The following PIAS2 variants were observed in gnomAD, a reference collection of about 807,000 sequenced individuals.
PIAS2 encodes E3 SUMO-protein ligase PIAS2.
PIAS2 carries 19 observed loss-of-function variants against 69.7 expected under a neutral mutation model. That is an observed-to-expected ratio of 0.27 (90% CI 0.19 to 0.40). The LOEUF (loss-of-function observed/expected upper bound fraction) is 0.40. Among genes scored for constraint, PIAS2 ranks in the 10% least tolerant of loss-of-function variants. The probability of loss-of-function intolerance (pLI) is 1.00; values close to 1 mark genes in which losing one functional copy is unlikely to be tolerated. For missense variants in PIAS2, 624 were observed against 757.0 expected (o/e 0.82, Z 2.06); for synonymous variants, 261 against 263.2 (o/e 0.99, Z 0.08).
At chr18:46,839,566 C>T (rs1401272112) in intron 8 of PIAS2, among the ~76,000 whole-genome samples, 2 of 152,172 alleles carry the variant, frequency 1.3e-5, no homozygotes, top group African/African-American at 4.8e-5. Context: ...GTTTCAAAAC[C>T]CCTTTAAACT....
intron 5 of PIAS2, among the ~76,000 whole-genome samples, chr18:46,847,666 T>G (rs1568492503): frequency 2.0e-5 from 3 of 152,094 alleles, no homozygotes; most frequent in Admixed American, 1.3e-4. Flanking sequence ...GTATTTTTAG[T>G]AGAGACAGGG....
At chr18:46,893,589 C>T (rs1280540499) in intron 1 of PIAS2, 4 of 232,816 alleles carry the variant, frequency 1.7e-5, no homozygotes, top group African/African-American at 7.0e-5. Context: ...ACTATGAATG[C>T]GGAATCACAG....
intron 3 of PIAS2, among the ~76,000 whole-genome samples, chr18:46,861,551 T>G (rs1272717903): frequency 2.6e-5 from 4 of 151,922 alleles, no homozygotes; most frequent in Non-Finnish European, 5.9e-5. Context: ...GTGATCAAGG[T>G]TAACATCACC....
chr18:46,813,298 A>G (rs896558098), intron 13 of PIAS2, among the ~76,000 whole-genome samples: 6 of 152,022 alleles, frequency 3.9e-5, no homozygotes, highest in African/African-American at 1.4e-4. Context: ...CCTGCTTAAC[A>G]CCCCTTTCCT....
intron 12 of PIAS2, chr18:46,816,926 TTAA>T (rs762316826): frequency 1.5e-4 from 140 of 938,240 alleles, no homozygotes; most frequent in Non-Finnish European, 1.7e-4. Context: ...TGTCTTCATA[TTAA>T]TAATATTCAA....
Position 46,909,996 on chromosome 18 carries a change from A to G in PIAS2, c.24+7326T>C, listed in dbSNP as rs918910241. Among the ~76,000 whole-genome samples the G allele has an allele frequency of 1.4e-4, 22 of 152,134 alleles. No individual in the cohort carries two copies. The East Asian group carries it at 1.7e-3, about 12-fold the overall frequency. ...AGCCTGGCCAACATGGTGAAAACTA[A>G]TAATACAAAAAAATTAGCCGGGCAT... On this transcript the variant is annotated intron_variant, in intron 1 of 13. Transcript: ENST00000585916.
intron 11 of PIAS2, among the ~76,000 whole-genome samples, chr18:46,825,856 C>G (rs959277784): frequency 6.6e-6 from 1 of 152,202 alleles, no homozygotes; most frequent in East Asian, 1.9e-4. Context: ...GTCCTTATGA[C>G]GAGATCCATC....
At position 46,828,037 on chromosome 18, in the gene PIAS2, G is replaced by A; in HGVS notation, c.1430C>T (p.Ser477Phe). 1 of 1,613,896 alleles carries A rather than the reference G, an allele frequency of 6.2e-7. No individual in the cohort carries two copies. The highest frequency in any genetic ancestry group is 8.5e-7 in the Non-Finnish European group (1 of 1,179,878). Residue 477 changes from serine to phenylalanine, a missense_variant, in exon 11 of 14, where the codon TCT (serine) becomes TTT (phenylalanine). By Grantham distance (155) the Ser-to-Phe change is radical. This residue lies in a region of PIAS2 where 241 missense variants were observed against 257.3 expected (regional missense o/e 0.94). Coordinates refer to ENST00000585916, the MANE Select transcript of PIAS2 (RefSeq NM_004671.5). ...VDVIDLTIES[S>F]SDEEEDPPAK... is the part of the protein sequence containing the mutation. ...AGGAGGGTCTTCCTCTTCGTCAGAA[G>A]AGCTTTCTATTGTAAGATCAATAAC... is the stretch of plus-strand genomic sequence containing the variant.
chr18:46,901,234 A>C (rs1020426606), intron 1 of PIAS2: 1 of 404,844 alleles, frequency 2.5e-6, no homozygotes. Flanking sequence ...CCTGACCAAC[A>C]TGGAGAACCC....
At chr18:46,886,357 C>T (rs1218688093) in intron 2 of PIAS2, among the ~76,000 whole-genome samples, 3 of 152,106 alleles carry the variant, frequency 2.0e-5, no homozygotes, top group East Asian at 1.9e-4. Flanking sequence ...ATAATAACTG[C>T]TGGGACAGAA....
chr18:46,843,350 T>C (rs1180969913), intron 8 of PIAS2, among the ~76,000 whole-genome samples: 1 of 152,188 alleles, frequency 6.6e-6, no homozygotes, highest in Non-Finnish European at 1.5e-5. Context: ...ATTCCATGAC[T>C]TTTTCTCATT....
intron 11 of PIAS2, among the ~76,000 whole-genome samples, chr18:46,822,445 T>G (rs980048441): frequency 6.6e-6 from 1 of 152,198 alleles, no homozygotes; most frequent in South Asian, 2.1e-4. Context: ...AGAAGGAAGT[T>G]ATCTTCCAAA....
At chr18:46,902,163 C>T (rs1250763623) in intron 1 of PIAS2, among the ~76,000 whole-genome samples, 1 of 151,260 alleles carries the variant, frequency 6.6e-6, no homozygotes, top group South Asian at 2.1e-4. Context: ...ATTTATAACA[C>T]TCCAAAGAAA....
chr18:46,896,264 A>G (rs1311087108), intron 1 of PIAS2, among the ~76,000 whole-genome samples: 1 of 151,966 alleles, frequency 6.6e-6, no homozygotes, highest in South Asian at 2.1e-4. Flanking sequence ...TAAATGAAAA[A>G]AAAAAAACTA....
In PIAS2 at chr18:46,891,044, G is replaced by A; in HGVS notation, c.35C>T (p.Ser12Phe). The stretch of plus-strand genomic sequence containing the variant: ...TTGTAGTTCAGAAACCCTAAAACTA[G>A]AAACCATATTCTAAAAGGAAAGAAA... ...ADFEELRNMVSSFRVSELQVL... is the reference protein window; with the variant it reads ...ADFEELRNMVFSFRVSELQVL... Residue 12 changes from serine to phenylalanine, a missense_variant, in exon 2 of 14, where the codon TCT becomes TTT. Physicochemically the swap from Ser to Phe is radical, Grantham distance 155. Around this residue, in one of 3 missense-constraint regions of PIAS2, gnomAD observed 339 missense variants for 408.8 expected, o/e 0.83. Coordinates refer to ENST00000585916, the MANE Select transcript of PIAS2 (RefSeq NM_004671.5). The A allele has an allele frequency of 6.3e-7, 1 of 1,576,454 alleles. No homozygotes were observed. The highest frequency in any genetic ancestry group is 8.6e-7 in the Non-Finnish European group (1 of 1,162,278).
At chr18:46,828,775 T>C (rs187237635) in intron 10 of PIAS2, among the ~76,000 whole-genome samples, 2 of 152,344 alleles carry the variant, frequency 1.3e-5, no homozygotes, top group East Asian at 1.9e-4. Context: ...CAGTCTCACA[T>C]ACCATATTTG....
intron 10 of PIAS2, among the ~76,000 whole-genome samples, chr18:46,829,067 G>A (rs2043212990): frequency 6.6e-6 from 1 of 152,140 alleles, no homozygotes; most frequent in Non-Finnish European, 1.5e-5. Flanking sequence ...AAACTGAAAT[G>A]CAGTGAGTAG....
intron 2 of PIAS2, among the ~76,000 whole-genome samples, chr18:46,875,112 C>T (rs1282581320): frequency 6.6e-6 from 1 of 152,134 alleles, no homozygotes; most frequent in Non-Finnish European, 1.5e-5. Context: ...TCAAACTAAC[C>T]ATCCCTTAAC....
intron 1 of PIAS2, among the ~76,000 whole-genome samples, chr18:46,900,131 G>C (rs529743331): frequency 6.6e-6 from 1 of 152,112 alleles, no homozygotes; most frequent in Non-Finnish European, 1.5e-5. Context: ...TTGGGAGGCC[G>C]AGGCGGGCAA....
Sources: allele counts gnomAD v4.1 joint callset (sites outside exome capture counted in the v4.1 genomes callset), GRCh38; gene constraint gnomAD v4.1.1; regional missense constraint gnomAD v4.1.1; transcripts MANE v1.5; gene names NCBI Gene and HGNC (gene_info 2026-07-23, HGNC 2026-07-21).